The following MICAL2 variants were observed in gnomAD, a reference collection of about 807,000 sequenced individuals.
MICAL2 encodes the protein [F-actin]-monooxygenase MICAL2.
MICAL2 carries 77 observed loss-of-function variants against 127.3 expected under a neutral mutation model. The ratio of observed to expected loss-of-function variants is 0.60; its 90% CI spans 0.50 to 0.73. The LOEUF is 0.73. Ranked by LOEUF, MICAL2 falls within the 30% of genes least tolerant of loss-of-function variation. The pLI, the probability that MICAL2 is intolerant of heterozygous loss-of-function variation, is 0.00. For synonymous variants in MICAL2, 570 were observed against 551.1 expected, an observed-to-expected ratio of 1.03 and a Z score of -0.48; for missense variants, 1,351 against 1,434.4, an observed-to-expected ratio of 0.94 and a Z score of 0.94.
intron 15 of MICAL2, among the ~76,000 whole-genome samples, chr11:12,235,706 T>C (rs1304112813): frequency 1.3e-5 from 2 of 152,118 alleles, no homozygotes; most frequent in East Asian, 3.9e-4. Context: ...CACCTTCTTG[T>C]AGGAGAGAGG....
chr11:12,318,843 T>A (rs1864259954), intron 29 of MICAL2, among the ~76,000 whole-genome samples: 1 of 152,202 alleles, frequency 6.6e-6, no homozygotes, highest in African/African-American at 2.4e-5. Context: ...CCCGGCCAGA[T>A]CACAGAGCGA....
At chr11:12,341,071 G>A (rs1215169451) in intron 32 of MICAL2, among the ~76,000 whole-genome samples, 4 of 152,120 alleles carry the variant, frequency 2.6e-5, no homozygotes, top group South Asian at 4.1e-4. Context: ...CTCCACATAT[G>A]AAGGGTGGTA....
downstream of MICAL2, among the ~76,000 whole-genome samples, chr11:12,292,891 G>C (rs954640423): frequency 6.6e-6 from 1 of 152,128 alleles, no homozygotes; most frequent in Non-Finnish European, 1.5e-5. Flanking sequence ...GAGGTCTTGG[G>C]AGGGCACAGC....
At chr11:12,351,236 A>T (rs1355511488) in intron 33 of MICAL2, among the ~76,000 whole-genome samples, 3 of 152,172 alleles carry the variant, frequency 2.0e-5, no homozygotes, top group African/African-American at 7.2e-5. Context: ...CAACCCCAGA[A>T]TTAGACATAT....
intron 16 of MICAL2, 146 bp downstream of exon 16, chr11:12,236,391 A>G: frequency 2.8e-6 from 2 of 721,436 alleles, no homozygotes. Context: ...ATGGAAAAAC[A>G]GTTGGGGTTT....
At chr11:12,116,213 C>T (rs944371965) in intron 1 of MICAL2, among the ~76,000 whole-genome samples, 6 of 151,828 alleles carry the variant, frequency 4.0e-5, no homozygotes, top group African/African-American at 1.5e-4. Flanking sequence ...CTCCTGACCT[C>T]GTGATCCACC....
At chr11:12,341,493 A>G (rs1359317614) in intron 32 of MICAL2, among the ~76,000 whole-genome samples, 1 of 152,120 alleles carries the variant, frequency 6.6e-6, no homozygotes, top group Non-Finnish European at 1.5e-5. Context: ...AGTTTAAAGA[A>G]TAAATAGATC....
At chr11:12,268,038 A>C (rs1424548574), downstream of MICAL2, among the ~76,000 whole-genome samples, 1 of 152,234 alleles carries the variant, frequency 6.6e-6, no homozygotes, top group East Asian at 1.9e-4. Flanking sequence ...CTTAGCACAT[A>C]GTGGGCCCTC....
intron 3 of MICAL2, among the ~76,000 whole-genome samples, chr11:12,170,331 T>C (rs187492760): frequency 1.3e-5 from 2 of 152,084 alleles, no homozygotes; most frequent in Admixed American, 6.5e-5. Flanking sequence ...ATGCCTGTAG[T>C]CTCAACTACT....
At chr11:12,192,654 T>A (rs990010328) in intron 3 of MICAL2, among the ~76,000 whole-genome samples, 4 of 152,262 alleles carry the variant, frequency 2.6e-5, no homozygotes, top group East Asian at 1.9e-4. Flanking sequence ...GATGGGTACC[T>A]GTAATCCCAG....
chr11:12,273,527 C>G (rs989808478), upstream of MICAL2, among the ~76,000 whole-genome samples: 1 of 147,218 alleles, frequency 6.8e-6, no homozygotes, highest in Non-Finnish European at 1.5e-5. Flanking sequence ...CCCACTTGCT[C>G]AGTCTGCTGC....
At chr11:12,170,742 T>C (rs770765786) in intron 3 of MICAL2, among the ~76,000 whole-genome samples, 6 of 152,168 alleles carry the variant, frequency 3.9e-5, no homozygotes, top group Non-Finnish European at 2.9e-5. Flanking sequence ...CCATCCCCAA[T>C]CTGGGTTTGG....
At chr11:12,196,887 AC>A (rs1302965362) in intron 3 of MICAL2, among the ~76,000 whole-genome samples, 2 of 151,746 alleles carry the variant, frequency 1.3e-5, no homozygotes, top group African/African-American at 4.8e-5. Flanking sequence ...TGCCCTGCAA[AC>A]CACCTCCCTC....
intron 22 of MICAL2, among the ~76,000 whole-genome samples, chr11:12,250,683 T>G (rs1435472793): frequency 1.3e-5 from 2 of 152,202 alleles, no homozygotes; most frequent in Non-Finnish European, 2.9e-5. Flanking sequence ...TATTGAGAGA[T>G]ATTTAAAGGG....
chr11:12,199,052 A>G (rs1021869117), intron 3 of MICAL2, among the ~76,000 whole-genome samples: 5 of 152,202 alleles, frequency 3.3e-5, no homozygotes, highest in African/African-American at 4.8e-5. Context: ...CGGTAAGAGC[A>G]TAGACTTTAG....
intron 3 of MICAL2, among the ~76,000 whole-genome samples, chr11:12,191,314 A>T (rs867218281): frequency 6.6e-6 from 1 of 151,902 alleles, no homozygotes; most frequent in Non-Finnish European, 1.5e-5. Context: ...AAAAAAAAAA[A>T]TAGAAAAATT....
intron 32 of MICAL2, among the ~76,000 whole-genome samples, chr11:12,348,288 A>G (rs1361932499): frequency 1.3e-5 from 2 of 152,202 alleles, no homozygotes; most frequent in Admixed American, 1.3e-4. Flanking sequence ...TATGGATTCA[A>G]CATAGTACTT....
At chr11:12,274,914 G>A (rs2706647), upstream of MICAL2, among the ~76,000 whole-genome samples, 32,920 of 151,728 alleles carry the variant, frequency 0.22, 3,775 homozygotes, top group South Asian at 0.36. Context: ...AGACTGTGGG[G>A]GTGGGGCACA....
intron 25 of MICAL2, among the ~76,000 whole-genome samples, chr11:12,258,761 G>A (rs919742302): frequency 7.9e-5 from 12 of 152,212 alleles, no homozygotes; most frequent in African/African-American, 2.9e-4. Flanking sequence ...CATTCCAGAT[G>A]AGCTCCCAGG....
Sources: allele counts gnomAD v4.1 joint callset (sites outside exome capture counted in the v4.1 genomes callset), GRCh38; gene constraint gnomAD v4.1.1; transcripts MANE v1.5; gene names NCBI Gene and HGNC (gene_info 2026-07-23, HGNC 2026-07-21).